Variants in PREPL observed in about 807,000 individuals in gnomAD.
PREPL encodes prolyl endopeptidase like.
Under a neutral mutation model 70.6 loss-of-function variants are expected in PREPL, and 77 were observed. The ratio of observed to expected loss-of-function variants is 1.09; its 90% CI spans 0.91 to 1.32. PREPL has a LOEUF of 1.32. Among genes scored for constraint, PREPL ranks in the 40% most tolerant of loss-of-function variants. PREPL has a pLI of 0.00. For missense variants in PREPL, 1,002 were observed against 778.2 expected (o/e 1.29, Z -3.42); for synonymous variants, 315 against 264.8 (o/e 1.19, Z -1.84).
In PREPL at chr2:44,327,411, G is replaced by A. The variant is rs538671937; in HGVS notation, c.1263-483C>T. 9.2e-5 allele frequency among the ~76,000 whole-genome samples: 14 copies of A among 152,260 alleles called. No individual in the cohort carries two copies. The South Asian group carries it at 1.7e-3, about 18-fold the overall frequency. ...TCTGCCAGGTGAGGGGTATATACAC[G>A]AGTCAGGAACACAAATGCTTTTAAG... is the stretch of plus-strand genomic sequence containing the variant. On this transcript the variant is annotated intron_variant, in intron 9 of 13. Coordinates refer to ENST00000409411, the MANE Select transcript of PREPL (RefSeq NM_001171613.2).
chr2:44,323,150 C>T (rs765408423), intron 11 of PREPL, 112 bp downstream of exon 11: 163 of 1,070,972 alleles, frequency 1.5e-4, no homozygotes, highest in Non-Finnish European at 1.8e-4. Context: ...ATTTGGGCAT[C>T]ATAAGTAGAA....
intron 1 of PREPL, among the ~76,000 whole-genome samples, chr2:44,355,772 TATATATAC>T (rs61318124): frequency 0.044 from 4,881 of 110,220 alleles, 159 homozygotes; most frequent in African/African-American, 0.093. Context: ...TATATATATA[TATATATAC>T]ACACACACAC....
intron 1 of PREPL, among the ~76,000 whole-genome samples, chr2:44,357,101 T>A (rs1677131017): frequency 6.6e-6 from 1 of 152,268 alleles, no homozygotes; most frequent in African/African-American, 2.4e-5. Context: ...CCAGTATGCC[T>A]GATCAGAACT....
intron 1 of PREPL, among the ~76,000 whole-genome samples, chr2:44,347,578 A>G (rs1476758012): frequency 6.6e-6 from 1 of 152,256 alleles, no homozygotes; most frequent in Admixed American, 6.5e-5. Flanking sequence ...AAATCATTAC[A>G]ATTTGGATAA....
intron 8 of PREPL, 139 bp downstream of exon 8, chr2:44,332,319 TA>T (rs749171524): frequency 5.9e-6 from 4 of 683,444 alleles, no homozygotes; most frequent in African/African-American, 5.5e-5. Flanking sequence ...CACCTATCCC[TA>T]AAGTCACTTG....
rs981224894 is a variant in PREPL at position 44,361,456 on chromosome 2, G to C, written c.-125C>G. ...CGGAGAACCTGAAGCTCTCAGAGGGGAGCAGGTGTCACCGCAGGCAAGTCC... is the reference window on the plus strand; with the variant it reads ...CGGAGAACCTGAAGCTCTCAGAGGGCAGCAGGTGTCACCGCAGGCAAGTCC... On this transcript the variant is annotated 5_prime_UTR_variant, in exon 1 of 14. Coordinates refer to ENST00000409411, the MANE Select transcript of PREPL (RefSeq NM_001171613.2). 1.3e-5 allele frequency: 2 copies of C among 152,802 alleles called. No individual in the cohort carries two copies. Among genetic ancestry groups the C allele is most frequent in the Non-Finnish European group, 2.9e-5 (2 of 68,412 alleles). The allele number at this position is 152,802 out of a possible 1,614,324, so 9.5% of individuals were successfully genotyped here.
chr2:44,320,765 G>T lies in PREPL; in HGVS notation c.*591C>A, dbSNP rs1175026431. Reference sequence around the variant, plus strand: ...TCTTCGATATTTCTGTAGCTTGAATGTAACTGCTTTAAGAAAGGTTCTCAA... The same window carrying T: ...TCTTCGATATTTCTGTAGCTTGAATTTAACTGCTTTAAGAAAGGTTCTCAA... On this transcript the variant is annotated 3_prime_UTR_variant, in exon 14 of 14. Transcript: ENST00000409411. The T allele has an allele frequency of 6.1e-6, 5 of 817,446 alleles. No homozygotes were observed. The African/African-American group carries it at 8.5e-5, about 14-fold the overall frequency. The allele number at this position is 817,446 out of a possible 1,614,324, so 50.6% of individuals were successfully genotyped here.
intron 2 of PREPL, among the ~76,000 whole-genome samples, chr2:44,345,237 T>C (rs1286000883): frequency 6.6e-6 from 1 of 152,258 alleles, no homozygotes; most frequent in Non-Finnish European, 1.5e-5. Context: ...TGTTAGTTGG[T>C]GGCGTAATTT....
At chr2:44,330,132 G>T (rs910080874) in intron 8 of PREPL, among the ~76,000 whole-genome samples, 8 of 152,170 alleles carry the variant, frequency 5.3e-5, no homozygotes, top group African/African-American at 1.9e-4. Flanking sequence ...TATAAAACTT[G>T]ATGTAGATTA....
At chr2:44,326,541 T>G (rs1485501857) in intron 10 of PREPL, among the ~76,000 whole-genome samples, 171 bp downstream of exon 10, 2 of 151,766 alleles carry the variant, frequency 1.3e-5, no homozygotes, top group Non-Finnish European at 2.9e-5. Flanking sequence ...TCTCGCCATG[T>G]TGCCCAGGCT....
Position 44,342,520 on chromosome 2 carries a change from A to T in PREPL, c.382T>A (p.Leu128Ile), listed in dbSNP as rs1029524058. 6.2e-7 allele frequency: 1 copy of T among 1,611,196 alleles called. No homozygotes were observed. The highest frequency in any genetic ancestry group is 8.5e-7 in the Non-Finnish European group (1 of 1,177,832). The change falls in exon 5 of 14, where the codon TTA (leucine) becomes ATA (isoleucine). Residue 128 changes from leucine (L) to isoleucine (I), a missense_variant. Leu to Ile is a conservative substitution (Grantham distance 5). Coordinates refer to ENST00000409411, the MANE Select transcript of PREPL (RefSeq NM_001171613.2). ...AGGTTCCTCTGGAAGGTGTAGAATA[A>T]AACATCTTCATCTTCCTCGTCCTTT... is the stretch of plus-strand genomic sequence containing the variant. ...WVKDEEDEDV[L>I]FYTFQRNLRC...
chr2:44,352,838 G>A (rs1021891231), intron 1 of PREPL, among the ~76,000 whole-genome samples: 1 of 151,980 alleles, frequency 6.6e-6, no homozygotes, highest in African/African-American at 2.4e-5. Context: ...AAAAGACAAA[G>A]GACACGTAAA....
At position 44,346,276 on chromosome 2, in the gene PREPL, T is replaced by C. The variant is rs369131230; in HGVS notation, c.67A>G (p.Asn23Asp). 6.2e-6 allele frequency: 10 copies of C among 1,610,618 alleles called. No homozygotes were observed. Among genetic ancestry groups the C allele is most frequent in the South Asian group, 1.1e-5 (1 of 90,466 alleles). The stretch of plus-strand genomic sequence containing the variant: ...GACATGAGATATCTTACTTCCACAT[T>C]GATGATTTCATATTCTTCTTGTGGC... The part of the protein sequence containing the change: ...TQPQEEYEII[N>D]VEVKHGGFVY... The change falls in exon 2 of 14, where the codon AAT becomes GAT. Residue 23 changes from asparagine (N) to aspartate (D), a missense_variant. Transcript: ENST00000409411.
At chr2:44,336,110 TG>T (rs1674612514) in intron 7 of PREPL, among the ~76,000 whole-genome samples, 1 of 152,160 alleles carries the variant, frequency 6.6e-6, no homozygotes, top group Non-Finnish European at 1.5e-5. Flanking sequence ...CTAGTGGAAA[TG>T]TAAGTTCAGC....
intron 9 of PREPL, among the ~76,000 whole-genome samples, chr2:44,327,836 C>T (rs1673673652): frequency 1.3e-5 from 2 of 151,720 alleles, no homozygotes; most frequent in South Asian, 4.2e-4. Context: ...GCACTCTAGC[C>T]TGGGAGACAG....
At chr2:44,331,444 G>T (rs1442264806) in intron 8 of PREPL, among the ~76,000 whole-genome samples, 1 of 152,054 alleles carries the variant, frequency 6.6e-6, no homozygotes, top group Admixed American at 6.5e-5. Context: ...TCGACCTCGT[G>T]ATCTGCCCGC....
intron 1 of PREPL, among the ~76,000 whole-genome samples, chr2:44,351,290 T>C (rs1307202372): frequency 5.9e-5 from 9 of 152,070 alleles, no homozygotes; most frequent in Non-Finnish European, 1.3e-4. Context: ...GTACTTCTCT[T>C]CTTTGCAGTC....
chr2:44,345,706 G>C (rs1675727831), intron 2 of PREPL, among the ~76,000 whole-genome samples: 1 of 152,166 alleles, frequency 6.6e-6, no homozygotes, highest in South Asian at 2.1e-4. Flanking sequence ...TGGTTAAACA[G>C]ATACTTGGCT....
chr2:44,352,542 C>T (rs1463671541), intron 1 of PREPL, among the ~76,000 whole-genome samples: 1 of 152,078 alleles, frequency 6.6e-6, no homozygotes, highest in African/African-American at 2.4e-5. Context: ...ACAGGCATGA[C>T]CCATTGCACC....
Sources: gnomAD v4.1 joint callset for allele counts (sites outside exome capture counted in the v4.1 genomes callset) on GRCh38, gnomAD v4.1.1 for gene constraint, MANE v1.5 for transcripts, NCBI Gene and HGNC (gene_info 2026-07-23, HGNC 2026-07-21) for gene names.